CHRM3: variants seen among roughly 807,000 people sequenced by gnomAD.
The protein encoded by CHRM3 is cholinergic receptor muscarinic 3, also known as muscarinic acetylcholine receptor M3.
CHRM3 carries 11 observed loss-of-function variants against 41.8 expected under a neutral mutation model. The ratio of observed to expected loss-of-function variants is 0.26; its 90% CI spans 0.17 to 0.44. The LOEUF (loss-of-function observed/expected upper bound fraction) is 0.44, where lower values mean the gene tolerates loss of function less well. CHRM3 is among the 20% of genes least tolerant of loss of function. CHRM3 has a pLI of 1.00. For missense variants in CHRM3, 571 were observed against 745.4 expected, an observed-to-expected ratio of 0.77 and a Z score of 2.72; for synonymous variants, 297 against 301.4, an observed-to-expected ratio of 0.99 and a Z score of 0.15.
intron 2 of CHRM3, among the ~76,000 whole-genome samples, chr1:239,531,169 A>C (rs908399094): frequency 6.6e-6 from 1 of 151,980 alleles, no homozygotes; most frequent in African/African-American, 2.4e-5. Context: ...TATGACCCAT[A>C]ATAATAATAA....
At chr1:239,862,470 T>C (rs1675716748) in intron 6 of CHRM3, among the ~76,000 whole-genome samples, 1 of 152,086 alleles carries the variant, frequency 6.6e-6, no homozygotes, top group African/African-American at 2.4e-5. Context: ...ACAATTCCAA[T>C]GACATTACAT....
At chr1:239,751,547 A>T (rs971788753) in intron 5 of CHRM3, among the ~76,000 whole-genome samples, 2 of 152,206 alleles carry the variant, frequency 1.3e-5, no homozygotes, top group African/African-American at 4.8e-5. Context: ...AATTTATATT[A>T]TTGGGATGCT....
chr1:239,404,695 A>C (rs1660428370), intron 1 of CHRM3, among the ~76,000 whole-genome samples: 1 of 131,892 alleles, frequency 7.6e-6, no homozygotes, highest in African/African-American at 2.8e-5. Context: ...AACCGCTTCC[A>C]TTAAATGTAT....
intron 6 of CHRM3, among the ~76,000 whole-genome samples, chr1:239,886,860 G>A (rs926051314): frequency 2.6e-5 from 4 of 152,172 alleles, no homozygotes; most frequent in African/African-American, 9.7e-5. Context: ...GATACTTGGA[G>A]AACAACCCTC....
chr1:239,841,348 G>A (rs56222799), intron 6 of CHRM3, among the ~76,000 whole-genome samples: 1 of 152,214 alleles, frequency 6.6e-6, no homozygotes, highest in Non-Finnish European at 1.5e-5. Flanking sequence ...GTGGGATTTG[G>A]TGGGGCATGT....
At chr1:239,851,062 T>C (rs995487034) in intron 6 of CHRM3, among the ~76,000 whole-genome samples, 1 of 151,974 alleles carries the variant, frequency 6.6e-6, no homozygotes. Context: ...AATGAGAAAA[T>C]CAGAGCTAAC....
chr1:239,486,002 T>C (rs1000401510), intron 1 of CHRM3, among the ~76,000 whole-genome samples: 2 of 152,214 alleles, frequency 1.3e-5, no homozygotes, highest in Admixed American at 1.3e-4. Context: ...ATTAACTTAC[T>C]CCTGAACTAA....
intron 5 of CHRM3, among the ~76,000 whole-genome samples, chr1:239,820,341 G>A (rs1671935767): frequency 6.6e-6 from 1 of 152,144 alleles, no homozygotes; most frequent in East Asian, 1.9e-4. Context: ...TGGGCTTGAG[G>A]AACAGACAGT....
intron 6 of CHRM3, among the ~76,000 whole-genome samples, chr1:239,903,734 G>A (rs566869393): frequency 5.8e-4 from 88 of 152,264 alleles, no homozygotes; most frequent in Non-Finnish European, 1.0e-3. Context: ...GATTTCCCAT[G>A]TGGTGGCAAA....
intron 1 of CHRM3, among the ~76,000 whole-genome samples, chr1:239,464,370 C>T (rs971450246): frequency 6.6e-6 from 1 of 151,884 alleles, no homozygotes; most frequent in African/African-American, 2.4e-5. Flanking sequence ...TGCCACTTCT[C>T]ATCAGCATTC....
chr1:239,651,113 T>A (rs1048566028), intron 4 of CHRM3, among the ~76,000 whole-genome samples: 2 of 152,206 alleles, frequency 1.3e-5, no homozygotes, highest in Non-Finnish European at 2.9e-5. Context: ...AAACCCATAT[T>A]TGCAGCTTGT....
chr1:239,430,573 A>C (rs1277487008), intron 1 of CHRM3, among the ~76,000 whole-genome samples: 2 of 152,048 alleles, frequency 1.3e-5, no homozygotes, highest in African/African-American at 2.4e-5. Flanking sequence ...TAACTGGCTA[A>C]ACAGTAAACT....
intron 2 of CHRM3, among the ~76,000 whole-genome samples, chr1:239,501,415 TATA>T (rs1240375393): frequency 1.3e-5 from 2 of 152,166 alleles, no homozygotes; most frequent in East Asian, 1.9e-4. Context: ...AAATTGAAAT[TATA>T]TCAAGCATTC....
At chr1:239,435,669 G>T (rs1663199987) in intron 1 of CHRM3, among the ~76,000 whole-genome samples, 1 of 152,084 alleles carries the variant, frequency 6.6e-6, no homozygotes. Flanking sequence ...AGTGTGCGCA[G>T]TGTTTTCTGT....
intron 4 of CHRM3, among the ~76,000 whole-genome samples, chr1:239,674,600 C>T (rs2149073053): frequency 6.6e-6 from 1 of 151,050 alleles, no homozygotes; most frequent in Middle Eastern, 3.5e-3. Flanking sequence ...GTCCCAGCTA[C>T]TCTGAAGGCT....
chr1:239,427,496 C>T (rs955153508), intron 1 of CHRM3, among the ~76,000 whole-genome samples: 1 of 151,994 alleles, frequency 6.6e-6, no homozygotes, highest in Admixed American at 6.6e-5. Context: ...AGGGAAGGAG[C>T]CTGGGGAATA....
chr1:239,595,930 C>G (rs1255537819), intron 3 of CHRM3, among the ~76,000 whole-genome samples: 1 of 152,070 alleles, frequency 6.6e-6, no homozygotes, highest in Admixed American at 6.6e-5. Flanking sequence ...TTTTAGAAGA[C>G]AGAACCTTGC....
intron 5 of CHRM3, among the ~76,000 whole-genome samples, chr1:239,809,762 G>A (rs144347774): frequency 1.3e-5 from 2 of 152,128 alleles, no homozygotes; most frequent in African/African-American, 4.8e-5. Flanking sequence ...GCCTCCCAAA[G>A]TGCCAGGATT....
At chr1:239,393,984 A>G (rs927017428) in intron 1 of CHRM3, among the ~76,000 whole-genome samples, 1 of 152,166 alleles carries the variant, frequency 6.6e-6, no homozygotes, top group Non-Finnish European at 1.5e-5. Flanking sequence ...TAGGTGTTGT[A>G]TATACATCCA....
Sources: gnomAD v4.1 joint callset for allele counts (sites outside exome capture counted in the v4.1 genomes callset) on GRCh38, gnomAD v4.1.1 for gene constraint, MANE v1.5 for transcripts, NCBI Gene and HGNC (gene_info 2026-07-23, HGNC 2026-07-21) for gene names.